CYLD: variants seen among roughly 807,000 people sequenced by gnomAD.
CYLD encodes the protein CYLD lysine 63 deubiquitinase.
In CYLD, 26 loss-of-function variants were observed where a neutral mutation model predicts 104.5. The ratio of observed to expected loss-of-function variants is 0.25; its 90% CI spans 0.18 to 0.35. The LOEUF is 0.35. Ranked by LOEUF, CYLD falls within the 10% of genes least tolerant of loss-of-function variation. The pLI, the probability that CYLD is intolerant of heterozygous loss-of-function variation, is 1.00. For synonymous variants in CYLD, 385 were observed against 399.9 expected (o/e 0.96, Z 0.45); for missense variants, 703 against 1,136.1 (o/e 0.62, Z 5.48).
rs1172075773 is a variant in CYLD at position 50,798,523 on chromosome 16, C to T, written c.*2015C>T. ...CATTTTGTATCAGGGAATTGAGCAT[C>T]TTCAGATGTTGGTATCTGCAGGGAT... is the stretch of plus-strand genomic sequence containing the variant. On this transcript the variant is annotated 3_prime_UTR_variant, in exon 19 of 19. Transcript: ENST00000427738. The T allele has an allele frequency of 8.6e-6, 2 of 231,300 alleles. No individual in the cohort carries two copies. The highest frequency in any genetic ancestry group is 1.7e-5 in the Non-Finnish European group (2 of 117,388). The allele number at this position is 231,300 out of a possible 1,614,324, so 14.3% of individuals were successfully genotyped here.
At chr16:50,780,705 G>C (rs975536552) in intron 9 of CYLD, among the ~76,000 whole-genome samples, 3 of 152,132 alleles carry the variant, frequency 2.0e-5, no homozygotes, top group African/African-American at 4.8e-5. Context: ...TTTTAGTAGA[G>C]ACAGGGTTTT....
intron 5 of CYLD, among the ~76,000 whole-genome samples, chr16:50,773,209 A>G (rs1368517805): frequency 1.3e-5 from 2 of 152,200 alleles, no homozygotes. Flanking sequence ...ATTCATAGAC[A>G]TTTCATTTGA....
Position 50,749,583 on chromosome 16 carries a change from A to C in CYLD, c.-116A>C. 9.7e-7 allele frequency: 1 copy of C among 1,027,810 alleles called. No individual in the cohort carries two copies. Among genetic ancestry groups the C allele is most frequent in the Non-Finnish European group, 1.4e-6 (1 of 693,294 alleles). 63.7% of individuals were successfully genotyped at this position (1,027,810 alleles called of 1,614,324 possible). A position where few individuals can be genotyped will look rare whatever the true frequency, so the allele number is the denominator to read the frequency against. ...TTTCCTTTCTTTTTACAGCATGGAC[A>C]CCACGTTGCTGAAAACATGCTTTGG... On this transcript the variant is annotated 5_prime_UTR_variant, in exon 3 of 19. Transcript: ENST00000427738.
intron 5 of CYLD, among the ~76,000 whole-genome samples, chr16:50,769,961 C>T (rs1028210051): frequency 5.3e-5 from 8 of 152,104 alleles, no homozygotes; most frequent in Non-Finnish European, 1.2e-4. Flanking sequence ...GATTTATCTA[C>T]ATTATTTTAT....
rs201836260 is a variant in CYLD, at chr16:50,751,613, C to G, written c.514C>G (p.Arg172Gly). The G allele has an allele frequency of 6.2e-7, 1 of 1,613,308 alleles. No individual in the cohort carries two copies. Among genetic ancestry groups the G allele is most frequent in the Non-Finnish European group, 8.5e-7 (1 of 1,179,558 alleles). Residue 172 changes from arginine to glycine, a missense_variant, in exon 4 of 19, where the codon CGT becomes GGT. By Grantham distance (125) the Arg-to-Gly change is moderately radical. Around this residue, in one of 5 missense-constraint regions of CYLD, gnomAD observed 123 missense variants for 213.3 expected, o/e 0.58. Transcript: ENST00000427738. ...FFGVELLEEGRGQGFTDGVYQ... is the reference protein window; with the variant it reads ...FFGVELLEEGGGQGFTDGVYQ... Reference sequence around the variant, plus strand: ...CTCTCTTAAAAACTAGGAAGAAGGTCGTGGTCAAGGTTTCACTGACGGGGT... The same window carrying G: ...CTCTCTTAAAAACTAGGAAGAAGGTGGTGGTCAAGGTTTCACTGACGGGGT...
At chr16:50,764,541 C>A (rs1968287921) in intron 5 of CYLD, among the ~76,000 whole-genome samples, 1 of 152,178 alleles carries the variant, frequency 6.6e-6, no homozygotes, top group Non-Finnish European at 1.5e-5. Context: ...ATATTCTTCA[C>A]CAATCTTACC....
intron 7 of CYLD, 53 bp downstream of exon 7, chr16:50,776,330 C>T: frequency 8.1e-7 from 1 of 1,239,690 alleles, no homozygotes; most frequent in Admixed American, 1.7e-5. Flanking sequence ...CCTAACTTGC[C>T]ATAGCATTAA....
rs1972385005 is a variant in CYLD, at chr16:50,800,560, C to T, written c.*4052C>T. 4.3e-6 allele frequency: 1 copy of T among 232,600 alleles called. No homozygotes were observed. The highest frequency in any genetic ancestry group is 8.5e-6 in the Non-Finnish European group (1 of 117,740). The allele number at this position is 232,600 out of a possible 1,614,324, so 14.4% of individuals were successfully genotyped here. On this transcript the variant is annotated 3_prime_UTR_variant, in exon 19 of 19. Transcript: ENST00000427738. ...TTAAGAGGATATTTGATGTTATTTA[C>T]CTGGATATTTTCTTCCCCTTTTATT...
chr16:50,762,624 G>T (rs1175571048), intron 5 of CYLD, among the ~76,000 whole-genome samples: 1 of 152,218 alleles, frequency 6.6e-6, no homozygotes, highest in Non-Finnish European at 1.5e-5. Flanking sequence ...AATACTATAA[G>T]AGAGTTCTGT....
At chr16:50,766,393 T>G (rs2150955742) in intron 5 of CYLD, among the ~76,000 whole-genome samples, 1 of 152,324 alleles carries the variant, frequency 6.6e-6, no homozygotes, top group South Asian at 2.1e-4. Context: ...TACTGTTCAT[T>G]GATGATGCAA....
chr16:50,765,137 A>T (rs1034386404), intron 5 of CYLD, among the ~76,000 whole-genome samples: 5 of 152,084 alleles, frequency 3.3e-5, no homozygotes, highest in African/African-American at 1.2e-4. Flanking sequence ...TGCTTCACAG[A>T]TATGTGTTTT....
chr16:50,748,807 G>A (rs761129536), intron 2 of CYLD, among the ~76,000 whole-genome samples: 34 of 152,086 alleles, frequency 2.2e-4, no homozygotes, highest in Non-Finnish European at 2.4e-4. Context: ...TGAGTCAGAG[G>A]TAAAATGTTC....
chr16:50,770,511 C>T (rs1326314689), intron 5 of CYLD, among the ~76,000 whole-genome samples: 3 of 149,450 alleles, frequency 2.0e-5, no homozygotes, highest in Non-Finnish European at 4.4e-5. Context: ...AGTATAGTGG[C>T]GTGATCTCGG....
chr16:50,777,772 C>A, intron 7 of CYLD, 53 bp from the exon 8 acceptor site: 2 of 938,960 alleles, frequency 2.1e-6, no homozygotes, highest in Non-Finnish European at 3.5e-6. Flanking sequence ...TAAAAAAAAA[C>A]TTTGATGCTA....
intron 5 of CYLD, among the ~76,000 whole-genome samples, chr16:50,768,351 G>A (rs1339092939): frequency 6.6e-6 from 1 of 151,480 alleles, no homozygotes; most frequent in African/African-American, 2.4e-5. Flanking sequence ...TTCTTGAGGG[G>A]AAAAAAAAGT....
chr16:50,757,787 C>A (rs551300274), intron 5 of CYLD, among the ~76,000 whole-genome samples: 89 of 152,298 alleles, frequency 5.8e-4, no homozygotes, highest in African/African-American at 2.1e-3. Flanking sequence ...CCACCCGCCT[C>A]GGCCTCCCAA....
chr16:50,779,573 C>A lies in CYLD; in HGVS notation c.1139-92C>A, dbSNP rs1970010079. 4.0e-6 allele frequency: 5 copies of A among 1,260,168 alleles called. No homozygotes were observed. In the South Asian group the frequency reaches 6.2e-5, roughly 16 times the overall value. 78.1% of individuals were successfully genotyped at this position (1,260,168 alleles called of 1,614,324 possible). On this transcript the variant is annotated intron_variant, in intron 8 of 18. Coordinates refer to ENST00000427738, the MANE Select transcript of CYLD (RefSeq NM_001378743.1). ...ATTAATAGCAGGGAGGTCAGGTGGG[C>A]AGTTGGACTAGATCTGTATATAAAT...
Position 50,750,161 on chromosome 16 carries a change from G to C in CYLD, c.463G>C (p.Glu155Gln). ...ACGCTTCAGAGGACCCCTGTTAGCA[G>C]AGAGGACAGTCTCCGGAATATTCTT... ...VVRFRGPLLAERTVSGIFFGV... is the reference protein window; with the variant it reads ...VVRFRGPLLAQRTVSGIFFGV... The change falls in exon 3 of 19, where the codon GAG becomes CAG. Residue 155 changes from glutamate (E) to glutamine (Q), a missense_variant. Physicochemically the swap from Glu to Gln is conservative, Grantham distance 29 (BLOSUM62 2). Transcript: ENST00000427738. 1 of 1,614,024 alleles carries C rather than the reference G, an allele frequency of 6.2e-7. No individual in the cohort carries two copies. The highest frequency in any genetic ancestry group is 8.5e-7 in the Non-Finnish European group (1 of 1,179,980).
At chr16:50,786,743 T>TA (rs1970872718) in intron 12 of CYLD, 112 bp from the exon 13 acceptor site, 2 of 780,754 alleles carry the variant, frequency 2.6e-6, no homozygotes, top group African/African-American at 3.6e-5. Flanking sequence ...GCCTGAGTGA[T>TA]AGAGTGAGAC....
Sources: allele counts gnomAD v4.1 joint callset (sites outside exome capture counted in the v4.1 genomes callset), GRCh38; gene constraint gnomAD v4.1.1; regional missense constraint gnomAD v4.1.1; transcripts MANE v1.5; gene names NCBI Gene and HGNC (gene_info 2026-07-23, HGNC 2026-07-21).